Variants in PTPN13 observed in about 807,000 individuals in gnomAD.
PTPN13 encodes the protein tyrosine-protein phosphatase non-receptor type 13.
A neutral mutation model predicts 284.0 loss-of-function variants in PTPN13; 191 were observed. The ratio of observed to expected loss-of-function variants is 0.67; its 90% CI spans 0.60 to 0.76. The LOEUF (loss-of-function observed/expected upper bound fraction) is 0.76, where lower values mean the gene tolerates loss of function less well. Among genes scored for constraint, PTPN13 ranks in the 30% least tolerant of loss-of-function variants. PTPN13 has a pLI of 0.00. For synonymous variants in PTPN13, 986 were observed against 1,022.3 expected (o/e 0.96, Z 0.68); for missense variants, 2,797 against 2,939.9 (o/e 0.95, Z 1.12).
Position 86,722,343 on chromosome 4 carries a change from G to T in PTPN13, c.1517G>T (p.Gly506Val). Residue 506 changes from glycine (G) to valine (V), a missense_variant, in exon 10 of 48, where the codon GGA (glycine) becomes GTA (valine). Coordinates refer to ENST00000411767, the MANE Select transcript of PTPN13 (RefSeq NM_080683.3). ...CAGTCTCGGTTGAGCCTATATCCAG[G>T]AGACACAATCAAAGCGTCCATGCTT... Reference protein sequence around the residue: ...LRQSRLSLYPGDTIKASMLDI... With the variant: ...LRQSRLSLYPVDTIKASMLDI... The T allele has an allele frequency of 6.2e-7, 1 of 1,613,730 alleles. No individual in the cohort carries two copies. Among genetic ancestry groups the T allele is most frequent in the Non-Finnish European group, 8.5e-7 (1 of 1,179,806 alleles).
intron 1 of PTPN13, among the ~76,000 whole-genome samples, chr4:86,608,255 G>A (rs1476342125): frequency 1.3e-5 from 2 of 152,114 alleles, no homozygotes; most frequent in Non-Finnish European, 2.9e-5. Flanking sequence ...AGAGAGATTC[G>A]ACTGTGAAGA....
At chr4:86,733,562 T>C (rs1735177370) in intron 12 of PTPN13, among the ~76,000 whole-genome samples, 1 of 152,068 alleles carries the variant, frequency 6.6e-6, no homozygotes, top group Non-Finnish European at 1.5e-5. Flanking sequence ...TATTGTGCCT[T>C]AAAAATGAAT....
chr4:86,672,489 T>C lies in PTPN13; in HGVS notation c.240T>C (p.Thr80=), dbSNP rs1272847179. ...NISNQDLRAF[T]APEVLQNQSL... The stretch of plus-strand genomic sequence containing the variant: ...CCAATCAGGATCTTCGAGCATTCAC[T>C]GCACCAGAGGTTCTTCAAAATCAGT... Residue 80 remains threonine (T), a synonymous_variant, in exon 3 of 48, where the codon ACT becomes ACC. Transcript: ENST00000411767. 1 of 1,606,924 alleles carries C rather than the reference T, an allele frequency of 6.2e-7. No homozygotes were observed. The highest frequency in any genetic ancestry group is 2.2e-5 in the East Asian group (1 of 44,746).
At chr4:86,732,800 A>G in intron 12 of PTPN13, 34 bp downstream of exon 12, 1 of 1,558,584 alleles carries the variant, frequency 6.4e-7, no homozygotes, top group South Asian at 1.2e-5. Flanking sequence ...AGTACAGTAT[A>G]GAAATTTAGC....
intron 2 of PTPN13, among the ~76,000 whole-genome samples, chr4:86,656,680 A>G (rs1247771653): frequency 6.6e-6 from 1 of 152,196 alleles, no homozygotes; most frequent in African/African-American, 2.4e-5. Flanking sequence ...TCAGGGACCC[A>G]CTTGAGGAGG....
intron 8 of PTPN13, 85 bp downstream of exon 8, chr4:86,716,710 T>G (rs1350442419): frequency 1.9e-6 from 2 of 1,046,198 alleles, no homozygotes; most frequent in South Asian, 3.0e-5. Flanking sequence ...TTAATATAAA[T>G]TGCCAGAAAG....
chr4:86,652,646 T>C lies in PTPN13; in HGVS notation c.115+17275T>C, dbSNP rs78837501. On this transcript the variant is annotated intron_variant, in intron 2 of 47. Coordinates refer to ENST00000411767, the MANE Select transcript of PTPN13 (RefSeq NM_080683.3). ...GCTGTCAGAAATGTCAGAGCTCCTTTATATGTTATTTGTATATTTTCTCTT... is the reference window on the plus strand; with the variant it reads ...GCTGTCAGAAATGTCAGAGCTCCTTCATATGTTATTTGTATATTTTCTCTT... 5.3e-3 allele frequency among the ~76,000 whole-genome samples: 813 copies of C among 152,330 alleles called. 23 individuals are homozygous for C. Among genetic ancestry groups the C allele is most frequent in the East Asian group, 0.049 (256 of 5,186 alleles).
rs367983331 is a variant in PTPN13 at position 86,735,638 on chromosome 4, C to T, written c.2196C>T (p.Ala732=). The part of the protein sequence containing the change: ...SYFRMEHYLP[A]RVMEKLDLSY... ...TTAGAATGGAGCACTATTTGCCCGC[C>T]AGAGTGATGGAGAAACTTGATTTAT... The change falls in exon 15 of 48, where the codon GCC becomes GCT. Residue 732 remains alanine, a synonymous_variant. Transcript: ENST00000411767. 6.2e-7 allele frequency: 1 copy of T among 1,613,390 alleles called. No individual in the cohort carries two copies. The highest frequency in any genetic ancestry group is 1.1e-5 in the South Asian group (1 of 91,026).
chr4:86,765,427 C>T lies in PTPN13; in HGVS notation c.4182C>T (p.Gly1394=). 6.2e-7 allele frequency: 1 copy of T among 1,602,974 alleles called. No individual in the cohort carries two copies. Among genetic ancestry groups the T allele is most frequent in the Admixed American group, 1.7e-5 (1 of 58,950 alleles). The change falls in exon 26 of 48, where the codon GGC becomes GGT. Residue 1394 remains glycine, a synonymous_variant. Transcript: ENST00000411767. The part of the protein sequence containing the change: ...GGVNTSVRHG[G]IYVKAVIPQG... Reference sequence around the variant, plus strand: ...TGAATACGAGTGTCAGACATGGTGGCATTTATGTGAAAGCTGTTATTCCCC... The same window carrying T: ...TGAATACGAGTGTCAGACATGGTGGTATTTATGTGAAAGCTGTTATTCCCC...
chr4:86,735,712 C>T lies in PTPN13; in HGVS notation c.2270C>T (p.Ala757Val). The change falls in exon 15 of 48, where the codon GCT (alanine) becomes GTT (valine). Residue 757 changes from alanine to valine, a missense_variant. Ala to Val is a moderately conservative substitution (Grantham distance 64). Transcript: ENST00000411767. The stretch of plus-strand genomic sequence containing the variant: ...AAATTGCATAATACCTATGTGGGAG[C>T]TTCTGAAAAAGAGACAGAGTTAGAA... ...LPKLHNTYVG[A>V]SEKETELEFL... is the part of the protein sequence containing the mutation. 1 of 1,610,616 alleles carries T rather than the reference C, an allele frequency of 6.2e-7. No individual in the cohort carries two copies. Among genetic ancestry groups the T allele is most frequent in the South Asian group, 1.1e-5 (1 of 90,044 alleles).
At chr4:86,678,411 C>G (rs914512996) in intron 3 of PTPN13, among the ~76,000 whole-genome samples, 4 of 152,096 alleles carry the variant, frequency 2.6e-5, no homozygotes, top group African/African-American at 9.7e-5. Context: ...AATGTGTCTT[C>G]GTATATTCTT....
At chr4:86,748,978 G>A (rs919076431) in intron 17 of PTPN13, among the ~76,000 whole-genome samples, 2 of 152,122 alleles carry the variant, frequency 1.3e-5, no homozygotes, top group Non-Finnish European at 2.9e-5. Flanking sequence ...TTTTAACAAA[G>A]GTGTATTTTT....
chr4:86,757,762 C>CAAAAAAAAAAAAAAAAAA lies in PTPN13; in HGVS notation c.3224-482_3224-481insAAAAAAAAAAAAAAAAAA, dbSNP rs542129918. Among the ~76,000 whole-genome samples the CAAAAAAAAAAAAAAAAAA allele has an allele frequency of 3.4e-4, 38 of 112,480 alleles. 1 individual carries two copies. Among genetic ancestry groups the CAAAAAAAAAAAAAAAAAA allele is most frequent in the African/African-American group, 1.3e-3 (37 of 28,436 alleles). 73.8% of individuals were successfully genotyped at this position (112,480 alleles called of 152,430 possible). A position where few individuals can be genotyped will look rare whatever the true frequency, so the allele number is the denominator to read the frequency against. On this transcript the variant is annotated intron_variant, in intron 20 of 47. Transcript: ENST00000411767. ...TGAGTAGCAAAGCAAGACTCTGTCT[C>CAAAAAAAAAAAAAAAAAA]AAAAAAAAAAAAAAAATCCAGTTTC...
intron 30 of PTPN13, 62 bp downstream of exon 30, chr4:86,770,261 C>A: frequency 7.0e-7 from 1 of 1,418,924 alleles, no homozygotes; most frequent in Non-Finnish European, 9.8e-7. Flanking sequence ...CTAACTAATT[C>A]AGCTGTGGTG....
At chr4:86,786,536 G>T (rs1407395708) in intron 40 of PTPN13, among the ~76,000 whole-genome samples, 1 of 152,146 alleles carries the variant, frequency 6.6e-6, no homozygotes, top group African/African-American at 2.4e-5. Context: ...TGATAAGTAT[G>T]TATTTCTCAA....
At chr4:86,744,646 C>T (rs1405347338) in intron 16 of PTPN13, among the ~76,000 whole-genome samples, 1 of 152,164 alleles carries the variant, frequency 6.6e-6, no homozygotes, top group Non-Finnish European at 1.5e-5. Flanking sequence ...GTATACTACA[C>T]AAACAATTGC....
At chr4:86,611,006 T>C (rs565852863) in intron 1 of PTPN13, among the ~76,000 whole-genome samples, 1 of 152,234 alleles carries the variant, frequency 6.6e-6, no homozygotes, top group East Asian at 1.9e-4. Flanking sequence ...TGATGTCTTA[T>C]GTGTAAATAT....
chr4:86,766,729 C>G (rs1256590860), intron 27 of PTPN13: 1 of 395,272 alleles, frequency 2.5e-6, no homozygotes, highest in Non-Finnish European at 4.5e-6. Flanking sequence ...CTTTCTATGT[C>G]ACATTTAACG....
chr4:86,780,267 G>A, intron 35 of PTPN13, 135 bp from the exon 36 acceptor site: 1 of 688,476 alleles, frequency 1.5e-6, no homozygotes, highest in Non-Finnish European at 2.6e-6. Flanking sequence ...GGGCATGGTG[G>A]CACATGCCTG....
Sources: gnomAD v4.1 joint callset for allele counts (sites outside exome capture counted in the v4.1 genomes callset) on GRCh38, gnomAD v4.1.1 for gene constraint, MANE v1.5 for transcripts, NCBI Gene and HGNC (gene_info 2026-07-23, HGNC 2026-07-21) for gene names.